Variants in ARHGAP10 observed in about 807,000 individuals in gnomAD.
The protein encoded by ARHGAP10 is Rho GTPase activating protein 10.
In ARHGAP10, 87 loss-of-function variants were observed where a neutral mutation model predicts 108.6. That is an observed-to-expected ratio of 0.80 (90% CI 0.67 to 0.96). The LOEUF (loss-of-function observed/expected upper bound fraction) is 0.96. ARHGAP10 is among the 40% of genes least tolerant of loss of function. The pLI is 0.00. For missense variants in ARHGAP10, 939 were observed against 954.5 expected (o/e 0.98, Z 0.21); for synonymous variants, 347 against 341.1 (o/e 1.02, Z -0.19).
At chr4:147,917,701 GAAT>G (rs1737046841) in intron 13 of ARHGAP10, among the ~76,000 whole-genome samples, 1 of 152,166 alleles carries the variant, frequency 6.6e-6, no homozygotes, top group Non-Finnish European at 1.5e-5. Flanking sequence ...GTTGATAGAA[GAAT>G]AGGATTATGA....
intron 10 of ARHGAP10, among the ~76,000 whole-genome samples, chr4:147,897,229 CAG>C (rs1386656010): frequency 1.6e-4 from 24 of 151,224 alleles, no homozygotes; most frequent in African/African-American, 4.6e-4. Context: ...GCTTTTTAAG[CAG>C]AGTTTTAGTT....
Position 147,913,125 on chromosome 4 carries a change from C to G in ARHGAP10, c.1214C>G (p.Ala405Gly). 6.2e-7 allele frequency: 1 copy of G among 1,613,626 alleles called. No homozygotes were observed. ...GFTIIRKCIS[A>G]VETRGINDQG... ...ACAATTATCAGAAAATGCATCAGTGCCGTTGAAACACGAGGTAATATGATT... is the reference window on the plus strand; with the variant it reads ...ACAATTATCAGAAAATGCATCAGTGGCGTTGAAACACGAGGTAATATGATT... Residue 405 changes from alanine to glycine, a missense_variant, in exon 13 of 23, where the codon GCC (alanine) becomes GGC (glycine). Physicochemically the swap from Ala to Gly is moderately conservative, Grantham distance 60. Transcript: ENST00000336498.
At chr4:147,926,483 T>G (rs1171184333) in intron 13 of ARHGAP10, among the ~76,000 whole-genome samples, 6 of 152,116 alleles carry the variant, frequency 3.9e-5, no homozygotes, top group Admixed American at 3.9e-4. Context: ...GATGAGACCT[T>G]TAGCCAAGGC....
intron 20 of ARHGAP10, among the ~76,000 whole-genome samples, chr4:148,049,795 G>GTTTTT (rs150272022): frequency 1.3e-3 from 176 of 132,538 alleles, no homozygotes; most frequent in African/African-American, 4.1e-3. Context: ...TCATAAAATT[G>GTTTTT]TTTTTTTTGT....
At chr4:148,001,196 G>C (rs1189971669) in intron 18 of ARHGAP10, among the ~76,000 whole-genome samples, 1 of 152,006 alleles carries the variant, frequency 6.6e-6, no homozygotes, top group Middle Eastern at 3.2e-3. Flanking sequence ...TCCTATTTTT[G>C]TCAGGTTTGT....
intron 13 of ARHGAP10, among the ~76,000 whole-genome samples, chr4:147,928,199 T>G (rs560863101): frequency 6.6e-6 from 1 of 152,212 alleles, no homozygotes; most frequent in Non-Finnish European, 1.5e-5. Context: ...AGGTGTATCT[T>G]TAGAAGCCTA....
chr4:147,830,895 G>A (rs1205349524), intron 3 of ARHGAP10, among the ~76,000 whole-genome samples: 1 of 152,218 alleles, frequency 6.6e-6, no homozygotes, highest in Admixed American at 6.5e-5. Context: ...AAGAATGTAT[G>A]ATGGTTAAAA....
intron 22 of ARHGAP10, among the ~76,000 whole-genome samples, chr4:148,066,435 C>A (rs898384933): frequency 6.6e-6 from 1 of 152,236 alleles, no homozygotes; most frequent in Non-Finnish European, 1.5e-5. Context: ...CAATGCAGAT[C>A]TGCCAGTTTG....
chr4:147,867,827 G>GCAC (rs1305740710), intron 7 of ARHGAP10, among the ~76,000 whole-genome samples: 2 of 132,260 alleles, frequency 1.5e-5, no homozygotes, highest in Non-Finnish European at 3.1e-5. Flanking sequence ...CCGTGCCACT[G>GCAC]CACTCCAGCC....
chr4:147,911,499 A>G (rs944374738), intron 12 of ARHGAP10, among the ~76,000 whole-genome samples: 4 of 152,156 alleles, frequency 2.6e-5, no homozygotes, highest in African/African-American at 9.7e-5. Context: ...AGTAACTGGG[A>G]CTACAGGTGC....
At chr4:147,945,896 C>T (rs957805071) in intron 14 of ARHGAP10, among the ~76,000 whole-genome samples, 3 of 152,088 alleles carry the variant, frequency 2.0e-5, no homozygotes, top group Non-Finnish European at 4.4e-5. Context: ...GTCCCACCAG[C>T]GGGCTCCCAC....
chr4:147,840,459 C>A (rs540116637), intron 3 of ARHGAP10, among the ~76,000 whole-genome samples: 1 of 151,990 alleles, frequency 6.6e-6, no homozygotes, highest in South Asian at 2.1e-4. Flanking sequence ...GGTTACATTC[C>A]TGCTTTACCC....
chr4:147,873,722 A>ACACACACACACT (rs775092505), intron 7 of ARHGAP10, among the ~76,000 whole-genome samples: 7 of 144,338 alleles, frequency 4.8e-5, no homozygotes, highest in African/African-American at 7.8e-5. Context: ...ACACACACAC[A>ACACACACACACT]CTCTTGGCCT....
chr4:148,016,541 G>GT (rs199670329), intron 18 of ARHGAP10, among the ~76,000 whole-genome samples: 1,537 of 152,168 alleles, frequency 0.01, 22 homozygotes, highest in African/African-American at 0.035. Flanking sequence ...AATGCAAATT[G>GT]TTTTTTTCTC....
At chr4:147,756,257 A>G (rs1471060128) in intron 1 of ARHGAP10, among the ~76,000 whole-genome samples, 1 of 152,064 alleles carries the variant, frequency 6.6e-6, no homozygotes, top group Admixed American at 6.6e-5. Context: ...AGCCCCAAGT[A>G]AGTCTGGGAA....
At chr4:147,869,146 G>A (rs1734696407) in intron 7 of ARHGAP10, among the ~76,000 whole-genome samples, 1 of 152,060 alleles carries the variant, frequency 6.6e-6, no homozygotes. Context: ...AAGAGTTTCA[G>A]ATCAGAGGCA....
chr4:148,072,356 A>G lies in ARHGAP10; in HGVS notation c.*275A>G, dbSNP rs1730221278. ...TGGGACTTGTGATTTTTAATTATCC[A>G]GCATATAGAATGAGAGGGAGGGCAG... On this transcript the variant is annotated 3_prime_UTR_variant, in exon 23 of 23. Coordinates refer to ENST00000336498, the MANE Select transcript of ARHGAP10 (RefSeq NM_024605.4). The G allele has an allele frequency of 5.1e-6, 2 of 394,680 alleles. No homozygotes were observed. Among genetic ancestry groups the G allele is most frequent in the Non-Finnish European group, 9.0e-6 (2 of 222,296 alleles). The allele number at this position is 394,680 out of a possible 1,614,324, so 24.4% of individuals were successfully genotyped here.
intron 10 of ARHGAP10, among the ~76,000 whole-genome samples, chr4:147,886,342 G>C (rs1225863146): frequency 2.0e-5 from 3 of 152,128 alleles, no homozygotes; most frequent in Non-Finnish European, 2.9e-5. Context: ...CAGTGACCTT[G>C]TTCTTTACCG....
chr4:147,766,523 G>A (rs1729819682), intron 1 of ARHGAP10, among the ~76,000 whole-genome samples: 1 of 151,026 alleles, frequency 6.6e-6, no homozygotes, highest in African/African-American at 2.4e-5. Context: ...AGAACTCATG[G>A]ATATGGAGGG....
Sources: gnomAD v4.1 joint callset for allele counts (sites outside exome capture counted in the v4.1 genomes callset) on GRCh38, gnomAD v4.1.1 for gene constraint, MANE v1.5 for transcripts, NCBI Gene and HGNC (gene_info 2026-07-23, HGNC 2026-07-21) for gene names.